The following HDAC4 variants were observed in gnomAD, a reference collection of about 807,000 sequenced individuals.
The protein encoded by HDAC4 is histone deacetylase 4, also known as histone deacetylase A.
A neutral mutation model predicts 135.1 loss-of-function variants in HDAC4; 16 were observed. That is an observed-to-expected ratio of 0.12 (90% CI 0.08 to 0.18). HDAC4 has a LOEUF of 0.18. Ranked by LOEUF, HDAC4 falls within the 10% of genes least tolerant of loss-of-function variation. The probability of loss-of-function intolerance (pLI) is 1.00; values close to 1 mark genes in which losing one functional copy is unlikely to be tolerated. For synonymous variants in HDAC4, 685 were observed against 653.4 expected (o/e 1.05, Z -0.74); for missense variants, 1,143 against 1,511.8 (o/e 0.76, Z 4.05).
chr2:239,084,485 ACAC>A (rs2035684494), intron 19 of HDAC4, among the ~76,000 whole-genome samples: 2 of 150,066 alleles, frequency 1.3e-5, no homozygotes, highest in African/African-American at 2.4e-5. Context: ...ACACACACAC[ACAC>A]AGCTCCCAAA....
intron 22 of HDAC4, among the ~76,000 whole-genome samples, chr2:239,074,051 C>T (rs925745615): frequency 1.3e-5 from 2 of 149,374 alleles, no homozygotes; most frequent in African/African-American, 4.9e-5. Context: ...GGCAGCAGGA[C>T]TGAGTGGGGA....
intron 3 of HDAC4, among the ~76,000 whole-genome samples, chr2:239,215,830 A>G (rs2153108118): frequency 6.6e-6 from 1 of 152,330 alleles, no homozygotes; most frequent in Admixed American, 6.5e-5. Flanking sequence ...GGGTCTGCGA[A>G]TCTTGGTTCA....
intron 1 of HDAC4, among the ~76,000 whole-genome samples, chr2:239,389,340 C>T (rs951278001): frequency 6.6e-6 from 1 of 152,306 alleles, no homozygotes; most frequent in South Asian, 2.1e-4. Context: ...TTTGGGTCCG[C>T]ACTACCTTTA....
intron 4 of HDAC4, among the ~76,000 whole-genome samples, chr2:239,179,119 C>T (rs530028319): frequency 6.6e-6 from 1 of 151,030 alleles, no homozygotes; most frequent in East Asian, 2.0e-4. Flanking sequence ...GCGAGGCAGC[C>T]ACCGGACGCC....
In HDAC4 at chr2:239,331,296, GGA is replaced by G. The variant is rs1185910375; in HGVS notation, c.22+21380_22+21381del. Among the ~76,000 whole-genome samples, 1 of 152,160 alleles carries G rather than the reference GGA, an allele frequency of 6.6e-6. No homozygotes were observed. Among genetic ancestry groups the G allele is most frequent in the East Asian group, 1.9e-4 (1 of 5,196 alleles). Reference sequence around the variant, plus strand: ...CGGTAAAAGCCACGAGAAGGAGGCAGGATGGGGGAGGGAAGACAAGCAGGAAG... The same window carrying G: ...CGGTAAAAGCCACGAGAAGGAGGCAGTGGGGGAGGGAAGACAAGCAGGAAG... On this transcript the variant is annotated intron_variant, in intron 2 of 26. Transcript: ENST00000543185. The surrounding 1 kb of genome is among the most constrained non-coding windows in gnomAD (Gnocchi z 4.5).
intron 12 of HDAC4, among the ~76,000 whole-genome samples, chr2:239,123,733 C>T (rs1292826410): frequency 6.6e-6 from 1 of 152,186 alleles, no homozygotes; most frequent in Non-Finnish European, 1.5e-5. Flanking sequence ...TGGGACCAGG[C>T]AGGCAGGAGG....
At chr2:239,094,424 G>C in intron 17 of HDAC4, 1 of 627,986 alleles carries the variant, frequency 1.6e-6, no homozygotes, top group Non-Finnish European at 1.9e-6. Flanking sequence ...GTAGAAGCCA[G>C]CACAGCCCAG....
At chr2:239,301,063 G>A (rs2052226270) in intron 2 of HDAC4, among the ~76,000 whole-genome samples, 1 of 152,168 alleles carries the variant, frequency 6.6e-6, no homozygotes, top group South Asian at 2.1e-4. Flanking sequence ...CTGCTGCTCA[G>A]CCGGGTCCCT....
rs114898702 is a variant in HDAC4 at position 239,134,602 on chromosome 2, G to A, written c.1020C>T (p.Ala340=). Residue 340 remains alanine (A), a synonymous_variant, in exon 10 of 27, where the codon GCC becomes GCT. Coordinates refer to ENST00000543185, the MANE Select transcript of HDAC4 (RefSeq NM_001378414.1). ...GCGATGTGTAGAGGGGAAGTGGAGC[G>A]GCCGAGCCTTCTCGTGCCACAAGTC... ...AHRLVAREGS[A]APLPLYTSPS... 4.1e-4 allele frequency: 660 copies of A among 1,614,112 alleles called. 8 individuals carry two copies. Among genetic ancestry groups the A allele is most frequent in the East Asian group, 2.0e-3 (90 of 44,874 alleles).
At chr2:239,246,017 C>T (rs190593940) in intron 2 of HDAC4, among the ~76,000 whole-genome samples, 326 of 152,306 alleles carry the variant, frequency 2.1e-3, no homozygotes, top group African/African-American at 7.0e-3. Flanking sequence ...CGTCCAGTCC[C>T]GCCATGGGGT....
chr2:239,096,482 C>T (rs1173020375), intron 16 of HDAC4, among the ~76,000 whole-genome samples: 4 of 122,382 alleles, frequency 3.3e-5, no homozygotes, highest in Non-Finnish European at 5.2e-5. Flanking sequence ...CATGGATGCC[C>T]GCCCCCCGCC....
intron 12 of HDAC4, among the ~76,000 whole-genome samples, chr2:239,121,985 G>A (rs1036376033): frequency 9.2e-5 from 14 of 152,218 alleles, no homozygotes; most frequent in African/African-American, 2.7e-4. Flanking sequence ...AAGGCCTTGG[G>A]GACACTGAGA....
At position 239,218,460 on chromosome 2, in the gene HDAC4, A is replaced by C. The variant is rs1013195173; in HGVS notation, c.94+18133T>G. Reference sequence around the variant, plus strand: ...ATCCCTTCCTTACATCTTATATAAAAATTAATTCAAGATGGATTAAAGACT... The same window carrying C: ...ATCCCTTCCTTACATCTTATATAAACATTAATTCAAGATGGATTAAAGACT... On this transcript the variant is annotated intron_variant, in intron 3 of 26. Transcript: ENST00000543185. 1.5e-4 allele frequency among the ~76,000 whole-genome samples: 23 copies of C among 150,896 alleles called. 1 individual carries two copies. Among genetic ancestry groups the C allele is most frequent in the Admixed American group, 1.5e-3 (22 of 15,140 alleles).
intron 3 of HDAC4, among the ~76,000 whole-genome samples, chr2:239,201,540 T>C (rs1169827027): frequency 6.6e-6 from 1 of 152,144 alleles, no homozygotes; most frequent in African/African-American, 2.4e-5. Context: ...CCCACAGCTC[T>C]CCGTGAATAA....
intron 5 of HDAC4, among the ~76,000 whole-genome samples, chr2:239,171,545 A>T (rs2043452705): frequency 6.6e-6 from 1 of 152,256 alleles, no homozygotes; most frequent in Admixed American, 6.5e-5. Context: ...ACTAAATCCC[A>T]GATAGATTAA....
At chr2:239,083,072 G>A (rs1379681013) in intron 20 of HDAC4, among the ~76,000 whole-genome samples, 1 of 152,260 alleles carries the variant, frequency 6.6e-6, no homozygotes, top group Non-Finnish European at 1.5e-5. Flanking sequence ...CACAGAGTAG[G>A]TAATCGCTGT....
At chr2:239,341,906 G>T (rs180800965) in intron 2 of HDAC4, among the ~76,000 whole-genome samples, 12 of 152,220 alleles carry the variant, frequency 7.9e-5, no homozygotes, top group Non-Finnish European at 1.6e-4. Flanking sequence ...TTAAGTTATG[G>T]ACTCTCAGGA....
intron 6 of HDAC4, chr2:239,162,072 C>T (rs752136243): frequency 2.2e-5 from 10 of 452,930 alleles, no homozygotes; most frequent in South Asian, 1.2e-4. Flanking sequence ...TCCATGCTGC[C>T]GTGGCCACCC....
At chr2:239,208,839 A>G (rs2046209629) in intron 3 of HDAC4, among the ~76,000 whole-genome samples, 1 of 152,236 alleles carries the variant, frequency 6.6e-6, no homozygotes, top group South Asian at 2.1e-4. Context: ...CTAACAAAAA[A>G]TGAGAACGAC....
Sources: gnomAD v4.1 joint callset for allele counts (sites outside exome capture counted in the v4.1 genomes callset) on GRCh38, gnomAD v4.1.1 for gene constraint, Gnocchi (gnomAD v3.1) non-coding constraint, MANE v1.5 for transcripts, NCBI Gene and HGNC (gene_info 2026-07-23, HGNC 2026-07-21) for gene names.